The following PDLIM1 variants were observed in gnomAD, a reference collection of about 807,000 sequenced individuals.
PDLIM1 encodes PDZ and LIM domain protein 1.
Under a neutral mutation model 35.2 loss-of-function variants are expected in PDLIM1, and 25 were observed. The ratio of observed to expected loss-of-function variants is 0.71; its 90% CI spans 0.52 to 0.99. PDLIM1 has a LOEUF of 0.99. Ranked by LOEUF, PDLIM1 falls within the 50% of genes least tolerant of loss-of-function variation. The probability of loss-of-function intolerance (pLI) is 0.00; values close to 1 mark genes in which losing one functional copy is unlikely to be tolerated. For missense variants in PDLIM1, 363 were observed against 415.3 expected, an observed-to-expected ratio of 0.87 and a Z score of 1.09; for synonymous variants, 152 against 154.0, an observed-to-expected ratio of 0.99 and a Z score of 0.10.
At chr10:95,263,813 T>C (rs752472464) in intron 4 of PDLIM1, 51 bp downstream of exon 4, 1 of 1,464,220 alleles carries the variant, frequency 6.8e-7, no homozygotes. Context: ...GGTCCTGATG[T>C]GAAAAGCCCC....
At chr10:95,249,337 G>C (rs1302029246) in intron 4 of PDLIM1, among the ~76,000 whole-genome samples, 1 of 152,248 alleles carries the variant, frequency 6.6e-6, no homozygotes, top group African/African-American at 2.4e-5. Flanking sequence ...CTGCTAAGGA[G>C]AAAGGCCAGT....
At chr10:95,278,121 G>A (rs2035529046) in intron 1 of PDLIM1, among the ~76,000 whole-genome samples, 1 of 152,092 alleles carries the variant, frequency 6.6e-6, no homozygotes, top group Non-Finnish European at 1.5e-5. Flanking sequence ...ACATCCTTAT[G>A]TACATTCTGA....
intron 1 of PDLIM1, among the ~76,000 whole-genome samples, chr10:95,283,729 A>G (rs1440267168): frequency 6.6e-6 from 1 of 152,226 alleles, no homozygotes; most frequent in Non-Finnish European, 1.5e-5. Context: ...GATGACATGT[A>G]TACAGCACAA....
At chr10:95,257,038 G>GAAAGAAAGAAAGAAAGAAAGAAAGAAAAT (rs1440640324) in intron 4 of PDLIM1, among the ~76,000 whole-genome samples, 1 of 129,774 alleles carries the variant, frequency 7.7e-6, no homozygotes, top group Non-Finnish European at 1.6e-5. Context: ...AAGAAAGAAA[G>GAAAGAAAGAAAGAAAGAAAGAAAGAAAAT]AATTCAAAAT....
chr10:95,267,833 T>C (rs2035429051), intron 3 of PDLIM1, among the ~76,000 whole-genome samples: 1 of 152,186 alleles, frequency 6.6e-6, no homozygotes, highest in Admixed American at 6.5e-5. Context: ...TTTAGAAAAA[T>C]AAGTTAAATT....
intron 3 of PDLIM1, 48 bp from the exon 4 acceptor site, chr10:95,264,111 A>C: frequency 6.7e-7 from 1 of 1,502,028 alleles, no homozygotes; most frequent in Non-Finnish European, 9.3e-7. Flanking sequence ...TCCAATGCAA[A>C]CCCCTTGATG....
chr10:95,263,783 G>A (rs1226658036), intron 4 of PDLIM1, 81 bp downstream of exon 4: 18 of 1,049,302 alleles, frequency 1.7e-5, no homozygotes, highest in Non-Finnish European at 2.5e-5. Flanking sequence ...AGTGGCTCTT[G>A]CACCTGCCTG....
intron 3 of PDLIM1, among the ~76,000 whole-genome samples, chr10:95,265,565 AG>A (rs1211814802): frequency 7.3e-6 from 1 of 136,506 alleles, no homozygotes. Context: ...ATTGCACCCC[AG>A]CCTGGGCAAC....
intron 1 of PDLIM1, among the ~76,000 whole-genome samples, chr10:95,274,231 A>C (rs1343938226): frequency 6.6e-6 from 1 of 151,168 alleles, no homozygotes. Context: ...CTGTGTAAAC[A>C]ACCCTTCTTC....
At position 95,237,594 on chromosome 10, in the gene PDLIM1, A is replaced by G. The variant is rs1394541061; in HGVS notation, c.*331T>C. The G allele has an allele frequency of 1.4e-5, 4 of 280,350 alleles. No individual in the cohort carries two copies. The highest frequency in any genetic ancestry group is 2.7e-5 in the Non-Finnish European group (4 of 147,082). The allele number at this position is 280,350 out of a possible 1,614,324, so 17.4% of individuals were successfully genotyped here. Reference sequence around the variant, plus strand: ...TGCTTTGTAGTCTATACATTTATTGAGTAAAAACAAAATCAGTGTCAGACA... The same window carrying G: ...TGCTTTGTAGTCTATACATTTATTGGGTAAAAACAAAATCAGTGTCAGACA... On this transcript the variant is annotated 3_prime_UTR_variant, in exon 7 of 7. Coordinates refer to ENST00000329399, the MANE Select transcript of PDLIM1 (RefSeq NM_020992.4).
chr10:95,256,745 G>C (rs1053824716), intron 4 of PDLIM1, among the ~76,000 whole-genome samples: 7 of 152,038 alleles, frequency 4.6e-5, no homozygotes, highest in African/African-American at 1.2e-4. Flanking sequence ...GCTGAGGCAG[G>C]CAGATCACTT....
At chr10:95,281,969 T>C (rs931992890) in intron 1 of PDLIM1, among the ~76,000 whole-genome samples, 4 of 152,258 alleles carry the variant, frequency 2.6e-5, no homozygotes, top group African/African-American at 9.6e-5. Context: ...TTAAATCTTA[T>C]ATGTGTTCTT....
In PDLIM1 at chr10:95,271,737, A is replaced by G. The variant is rs1477300032; in HGVS notation, c.144T>C (p.Asp48=). 1.2e-6 allele frequency: 2 copies of G among 1,612,976 alleles called. No homozygotes were observed. Among genetic ancestry groups the G allele is most frequent in the East Asian group, 2.2e-5 (1 of 44,832 alleles). Residue 48 remains aspartate (D), a synonymous_variant, in exon 2 of 7, where the codon GAT becomes GAC. Coordinates refer to ENST00000329399, the MANE Select transcript of PDLIM1 (RefSeq NM_020992.4). ...KAALANLCIG[D]VITAIDGENT... ...TTTCCCCATCAATGGCTGTGATTAC[A>G]TCTCCAATACATAAATTAGCTAGAG...
intron 3 of PDLIM1, among the ~76,000 whole-genome samples, chr10:95,265,526 C>G (rs2035406210): frequency 7.3e-6 from 1 of 137,096 alleles, no homozygotes; most frequent in South Asian, 2.2e-4. Flanking sequence ...ACCCAGGAGG[C>G]AGAGGTTGCG....
chr10:95,238,724 A>C, intron 5 of PDLIM1, 39 bp from the exon 6 acceptor site: 1 of 1,249,626 alleles, frequency 8.0e-7, no homozygotes, highest in Non-Finnish European at 1.2e-6. Flanking sequence ...CAGGAAGGGC[A>C]GAATTGCATA....
At chr10:95,238,192 C>G (rs2035143590) in intron 6 of PDLIM1, 81 bp from the exon 7 acceptor site, 14 of 1,283,316 alleles carry the variant, frequency 1.1e-5, no homozygotes, top group Non-Finnish European at 1.5e-5. Flanking sequence ...ACCATCCTTC[C>G]TGAGCAGGGG....
chr10:95,249,135 A>C lies in PDLIM1; in HGVS notation c.534-1769T>G, dbSNP rs573165211. On this transcript the variant is annotated intron_variant, in intron 4 of 6. Transcript: ENST00000329399. ...CAGTGCCTGGCACAGGTCACAGTTCAGCAGGCAGCAGGCATCAGGCAAGTG... is the reference window on the plus strand; with the variant it reads ...CAGTGCCTGGCACAGGTCACAGTTCCGCAGGCAGCAGGCATCAGGCAAGTG... Among the ~76,000 whole-genome samples the C allele has an allele frequency of 2.6e-5, 4 of 152,330 alleles. No homozygotes were observed. The South Asian group carries it at 8.3e-4, about 32-fold the overall frequency.
chr10:95,278,833 C>CA (rs1307710120), intron 1 of PDLIM1, among the ~76,000 whole-genome samples: 2 of 152,190 alleles, frequency 1.3e-5, no homozygotes, highest in Non-Finnish European at 1.5e-5. Context: ...AACCGACGCT[C>CA]AAAGAAGCAA....
chr10:95,264,085 G>A, intron 3 of PDLIM1, 22 bp from the exon 4 acceptor site: 1 of 1,604,674 alleles, frequency 6.2e-7, no homozygotes, highest in Non-Finnish European at 8.5e-7. Flanking sequence ...GATCAGAGGA[G>A]AAATCAAGGG....
Sources: gnomAD v4.1 joint callset for allele counts (sites outside exome capture counted in the v4.1 genomes callset) on GRCh38, gnomAD v4.1.1 for gene constraint, MANE v1.5 for transcripts, NCBI Gene and HGNC (gene_info 2026-07-23, HGNC 2026-07-21) for gene names.